The following PCDHGB1 variants were observed in gnomAD, a reference collection of about 807,000 sequenced individuals.
PCDHGB1 encodes the protein protocadherin gamma subfamily B, 1, also known as protocadherin gamma-B1.
In PCDHGB1, 34 loss-of-function variants were observed where a neutral mutation model predicts 56.6. That is an observed-to-expected ratio of 0.60 (90% CI 0.46 to 0.80). PCDHGB1 has a LOEUF of 0.80. Among genes scored for constraint, PCDHGB1 ranks in the 30% least tolerant of loss-of-function variants. The pLI is 0.00. For synonymous variants in PCDHGB1, 561 were observed against 505.9 expected (o/e 1.11, Z -1.46); for missense variants, 1,278 against 1,204.6 (o/e 1.06, Z -0.90).
At chr5:141,408,605 A>G (rs1374368607) in intron 1 of PCDHGB1, 1 of 1,614,060 alleles carries the variant, frequency 6.2e-7, no homozygotes, top group South Asian at 1.1e-5. Flanking sequence ...TCAATTTGAT[A>G]AAAAGGAAAT....
rs2099631185 is a variant in PCDHGB1, at chr5:141,486,568, T to C, written c.2410-8239T>C. Reference sequence around the variant, plus strand: ...AGAGGTCACATGAGGTGTTTGTTCCTGAGAACAATCGCCCAGGGGACCTGC... The same window carrying C: ...AGAGGTCACATGAGGTGTTTGTTCCCGAGAACAATCGCCCAGGGGACCTGC... On this transcript the variant is annotated intron_variant, in intron 1 of 3. Coordinates refer to ENST00000523390, the MANE Select transcript of PCDHGB1 (RefSeq NM_018922.3). The surrounding 1 kb of genome is among the most constrained non-coding windows in gnomAD (Gnocchi z 5.0). 1.9e-6 allele frequency: 3 copies of C among 1,613,862 alleles called. No homozygotes were observed. The South Asian group carries it at 3.3e-5, about 18-fold the overall frequency.
intron 1 of PCDHGB1, chr5:141,415,762 T>TGTTTG: frequency 7.1e-7 from 1 of 1,399,990 alleles, no homozygotes; most frequent in Non-Finnish European, 9.3e-7. Flanking sequence ...TTTTTTTTTT[T>TGTTTG]TTTTTTTTTT....
Position 141,490,089 on chromosome 5 carries a change from C to G in PCDHGB1, c.2410-4718C>G. On this transcript the variant is annotated intron_variant, in intron 1 of 3. Transcript: ENST00000523390. This position sits in a 1 kb window ranked among gnomAD's most constrained non-coding sequence, Gnocchi z 5.4. ...GCCAACTAGACTATTCTTTTGGAGACCACACATCTGAGGCAGTGCGGAACC... is the reference window on the plus strand; with the variant it reads ...GCCAACTAGACTATTCTTTTGGAGAGCACACATCTGAGGCAGTGCGGAACC... 1 of 1,614,232 alleles carries G rather than the reference C, an allele frequency of 6.2e-7. No homozygotes were observed. The highest frequency in any genetic ancestry group is 8.5e-7 in the Non-Finnish European group (1 of 1,180,026).
chr5:141,427,105 A>C (rs1413188668), intron 1 of PCDHGB1: 1 of 457,776 alleles, frequency 2.2e-6, no homozygotes, highest in Non-Finnish European at 4.4e-6. Flanking sequence ...GTCAATGCGG[A>C]GATCACCTAC....
At chr5:141,441,886 A>C (rs2098281968) in intron 1 of PCDHGB1, 1 of 345,040 alleles carries the variant, frequency 2.9e-6, no homozygotes, top group Non-Finnish European at 5.6e-6. Flanking sequence ...CCTGGTCACC[A>C]AGGTGGTGGC....
chr5:141,366,469 G>C (rs575828819), intron 1 of PCDHGB1: 2 of 1,614,256 alleles, frequency 1.2e-6, no homozygotes, highest in Non-Finnish European at 1.7e-6. Flanking sequence ...TGCTGCTGGT[G>C]CTCAGACTGA....
At chr5:141,488,239 G>A (rs576918071) in intron 1 of PCDHGB1, among the ~76,000 whole-genome samples, 3 of 152,222 alleles carry the variant, frequency 2.0e-5, no homozygotes, top group South Asian at 4.1e-4. Context: ...AACTAGATGC[G>A]GTAAATTGGA....
At chr5:141,362,190 G>C (rs772308908) in intron 1 of PCDHGB1, 39 of 1,613,930 alleles carry the variant, frequency 2.4e-5, no homozygotes, top group Non-Finnish European at 3.0e-5. Context: ...CTGACCCCCA[G>C]GCAAAACTGC....
Position 141,350,216 on chromosome 5 carries a change from T to G in PCDHGB1, c.-45T>G, listed in dbSNP as rs767942868. On this transcript the variant is annotated 5_prime_UTR_variant, in exon 1 of 4. Transcript: ENST00000523390. ...AGTCCAGGGTGCTGCCATTTCTTTT[T>G]GAAAAACATCCCAGAGGAAAGAAGC... The G allele has an allele frequency of 4.1e-5, 61 of 1,490,720 alleles. No homozygotes were observed. Among genetic ancestry groups the G allele is most frequent in the Non-Finnish European group, 5.3e-5 (60 of 1,121,546 alleles). The allele number at this position is 1,490,720 out of a possible 1,614,324, so 92.3% of individuals were successfully genotyped here.
intron 1 of PCDHGB1, among the ~76,000 whole-genome samples, chr5:141,458,065 G>A (rs55848374): frequency 0.098 from 14,910 of 152,232 alleles, 965 homozygotes; most frequent in Non-Finnish European, 0.14. Flanking sequence ...GCACTGATGC[G>A]AACAACTATA....
chr5:141,477,193 C>G lies in PCDHGB1; in HGVS notation c.2410-17614C>G. The G allele has an allele frequency of 6.2e-7, 1 of 1,614,176 alleles. No homozygotes were observed. Among genetic ancestry groups the G allele is most frequent in the Non-Finnish European group, 8.5e-7 (1 of 1,180,036 alleles). On this transcript the variant is annotated intron_variant, in intron 1 of 3. Transcript: ENST00000523390. This position sits in a 1 kb window ranked among gnomAD's most constrained non-coding sequence, Gnocchi z 4.9. ...AGATCACAGTCACCTCCGTGTACAG[C>G]CCAGTACCCGAGGATGCCCCTCTGG...
intron 1 of PCDHGB1, chr5:141,374,852 G>A (rs1770895051): frequency 5.0e-6 from 8 of 1,613,798 alleles, no homozygotes; most frequent in Non-Finnish European, 4.2e-6. Flanking sequence ...AAACCTGCCA[G>A]TAGGCACACC....
rs1236813956 is a variant in PCDHGB1, at chr5:141,480,634, TTTCAAAC to T, written c.2410-14170_2410-14164del. On this transcript the variant is annotated intron_variant, in intron 1 of 3. Transcript: ENST00000523390. The stretch of plus-strand genomic sequence containing the variant: ...ACTGGCATTTTCCCTAGAACAATGT[TTTCAAAC>T]TTGGTTGCACATTAAAATCACCTAG... Among the ~76,000 whole-genome samples the T allele has an allele frequency of 3.9e-5, 6 of 152,332 alleles. No individual in the cohort carries two copies. In the East Asian group the frequency reaches 1.2e-3, roughly 29 times the overall value.
At chr5:141,449,022 A>G (rs2154562454) in intron 1 of PCDHGB1, among the ~76,000 whole-genome samples, 1 of 152,312 alleles carries the variant, frequency 6.6e-6, no homozygotes, top group Admixed American at 6.5e-5. Context: ...GTTGCTTAGC[A>G]TTCCTTTGGA....
At chr5:141,418,045 G>A (rs754041387) in intron 1 of PCDHGB1, 2 of 1,614,002 alleles carry the variant, frequency 1.2e-6, no homozygotes, top group East Asian at 2.2e-5. Flanking sequence ...TGGATGTGTC[G>A]GCTCGCGAGC....
In PCDHGB1 at chr5:141,407,982, G is replaced by C. The variant is rs976187867; in HGVS notation, c.2409+55313G>C. On this transcript the variant is annotated intron_variant, in intron 1 of 3. Coordinates refer to ENST00000523390, the MANE Select transcript of PCDHGB1 (RefSeq NM_018922.3). Reference sequence around the variant, plus strand: ...GAGCAAGCGCTGACGCCGGGGATCCGTCAGCCTCTGGCCTGGGATTCCCTG... The same window carrying C: ...GAGCAAGCGCTGACGCCGGGGATCCCTCAGCCTCTGGCCTGGGATTCCCTG... 1.5e-4 allele frequency: 114 copies of C among 783,006 alleles called. 1 individual carries two copies. Among genetic ancestry groups the C allele is most frequent in the African/African-American group, 9.1e-4 (52 of 57,436 alleles). The allele number at this position is 783,006 out of a possible 1,614,324, so 48.5% of individuals were successfully genotyped here.
chr5:141,366,033 C>G (rs1310722008), intron 1 of PCDHGB1: 2 of 1,614,254 alleles, frequency 1.2e-6, no homozygotes, highest in South Asian at 2.2e-5. Context: ...CCCGCCCTCC[C>G]CACAGACGGT....
chr5:141,351,871 G>A lies in PCDHGB1; in HGVS notation c.1611G>A (p.Ala537=). ...AGGCCAGGGACCAGGGCTCCCCCGC[G>A]CTCAGCGCCAACGTGAGCCTGCGCG... ...TLQARDQGSP[A]LSANVSLRVL... is the part of the protein sequence containing the mutation. The change falls in exon 1 of 4, where the codon GCG becomes GCA. Residue 537 remains alanine, a synonymous_variant. Coordinates refer to ENST00000523390, the MANE Select transcript of PCDHGB1 (RefSeq NM_018922.3). The A allele has an allele frequency of 1.2e-6, 2 of 1,613,256 alleles. No homozygotes were observed. The highest frequency in any genetic ancestry group is 8.5e-7 in the Non-Finnish European group (1 of 1,179,736).
chr5:141,374,581 C>G, intron 1 of PCDHGB1: 14 of 1,613,660 alleles, frequency 8.7e-6, no homozygotes, highest in Non-Finnish European at 1.0e-5. Flanking sequence ...GAATGAACTC[C>G]CTTCAGGGAT....
Sources: gnomAD v4.1 joint callset for allele counts (sites outside exome capture counted in the v4.1 genomes callset) on GRCh38, gnomAD v4.1.1 for gene constraint, Gnocchi (gnomAD v3.1) non-coding constraint, MANE v1.5 for transcripts, NCBI Gene and HGNC (gene_info 2026-07-23, HGNC 2026-07-21) for gene names.